Variants in RNF34 observed in about 807,000 individuals in gnomAD.
RNF34 encodes the protein ring finger protein 34.
In RNF34, 12 loss-of-function variants were observed where a neutral mutation model predicts 37.9. The observed-to-expected ratio is 0.32, with a 90% CI of 0.20 to 0.51. The LOEUF is 0.51. Ranked by LOEUF, RNF34 falls within the 20% of genes least tolerant of loss-of-function variation. The pLI is 0.97. For synonymous variants in RNF34, 155 were observed against 177.2 expected, an observed-to-expected ratio of 0.87 and a Z score of 1.00; for missense variants, 362 against 472.7, an observed-to-expected ratio of 0.77 and a Z score of 2.17.
chr12:121,421,466 T>C (rs1321649706), intron 5 of RNF34, among the ~76,000 whole-genome samples: 3 of 148,672 alleles, frequency 2.0e-5, no homozygotes, highest in East Asian at 2.0e-4. Flanking sequence ...GGGGGGAGGA[T>C]TGCTTGAGCC....
intron 3 of RNF34, among the ~76,000 whole-genome samples, chr12:121,419,206 A>T (rs548885650): frequency 6.6e-6 from 1 of 152,288 alleles, no homozygotes; most frequent in East Asian, 1.9e-4. Context: ...AATACTTATT[A>T]CTGTGTTATA....
chr12:121,413,020 A>AT (rs77507303), intron 1 of RNF34, among the ~76,000 whole-genome samples: 8 of 133,786 alleles, frequency 6.0e-5, no homozygotes, highest in South Asian at 4.7e-4. Context: ...TGCCCAGGCT[A>AT]TTTTTTTTTT....
Position 121,419,087 on chromosome 12 carries a change from A to G in RNF34, c.634-1155A>G, listed in dbSNP as rs926477830. Among the ~76,000 whole-genome samples, 5 of 150,128 alleles carry G rather than the reference A, an allele frequency of 3.3e-5. 1 individual carries two copies. The highest frequency in any genetic ancestry group is 3.3e-4 in the Admixed American group (5 of 15,202). On this transcript the variant is annotated intron_variant, in intron 3 of 5. Transcript: ENST00000361234. The stretch of plus-strand genomic sequence containing the variant: ...TTCTAGATATAGTCCTGTGTCCTCT[A>G]ATAATGTTTTGGTCAGTGATAGACC...
intron 1 of RNF34, among the ~76,000 whole-genome samples, chr12:121,403,115 G>C (rs1179500708): frequency 1.3e-5 from 2 of 152,170 alleles, no homozygotes; most frequent in Non-Finnish European, 2.9e-5. Flanking sequence ...AGGATAAAGA[G>C]GCCGGGCGCG....
At chr12:121,401,448 A>T (rs1022826356) in intron 1 of RNF34, among the ~76,000 whole-genome samples, 2 of 151,146 alleles carry the variant, frequency 1.3e-5, no homozygotes, top group Admixed American at 6.6e-5. Context: ...TGGAATAGGT[A>T]ACTTTGGAAC....
chr12:121,422,537 C>T (rs1263861545), intron 5 of RNF34, among the ~76,000 whole-genome samples: 3 of 152,190 alleles, frequency 2.0e-5, no homozygotes, highest in African/African-American at 7.2e-5. Context: ...GAACTAAGAC[C>T]CCAGATCACA....
intron 1 of RNF34, among the ~76,000 whole-genome samples, chr12:121,413,119 C>A (rs1433722408): frequency 5.5e-5 from 8 of 145,786 alleles, no homozygotes; most frequent in Non-Finnish European, 8.9e-5. Context: ...TCCGCCTCCC[C>A]GGTTCAAGCG....
chr12:121,419,409 C>T (rs1375308795), intron 3 of RNF34, among the ~76,000 whole-genome samples: 3 of 152,130 alleles, frequency 2.0e-5, no homozygotes, highest in Non-Finnish European at 2.9e-5. Context: ...ATACTGTAGT[C>T]GTAAATTAGA....
chr12:121,419,955 T>C, intron 3 of RNF34: 2 of 306,008 alleles, frequency 6.5e-6, no homozygotes, highest in South Asian at 7.4e-5. Context: ...CCTTAATGGC[T>C]TTGGCATTCC....
Position 121,416,243 on chromosome 12 carries a change from G to A in RNF34, c.91G>A (p.Ala31Thr). 6.2e-7 allele frequency: 1 copy of A among 1,614,116 alleles called. No individual in the cohort carries two copies. Among genetic ancestry groups the A allele is most frequent in the South Asian group, 1.1e-5 (1 of 91,088 alleles). Residue 31 changes from alanine to threonine, a missense_variant, in exon 2 of 6, where the codon GCA (alanine) becomes ACA (threonine). Ala to Thr is a moderately conservative substitution (Grantham distance 58). Transcript: ENST00000361234. ...TGGAGCTGTCAGGGGCCAGCAGTCA[G>A]CATTTGCAGGAGCCACCGGTCCATT... ...GTGAVRGQQS[A>T]FAGATGPFRF...
chr12:121,400,520 G>C (rs140745383), intron 1 of RNF34, among the ~76,000 whole-genome samples: 19 of 152,334 alleles, frequency 1.2e-4, no homozygotes, highest in African/African-American at 4.6e-4. Flanking sequence ...GCCTCCTCGG[G>C]GGCCTGAGGC....
At chr12:121,420,193 T>G in intron 3 of RNF34, 49 bp from the exon 4 acceptor site, 1 of 1,575,968 alleles carries the variant, frequency 6.3e-7, no homozygotes, top group Non-Finnish European at 8.7e-7. Context: ...TCTCTAGTGA[T>G]AAATACAGAT....
chr12:121,402,493 A>G (rs1555280137), intron 1 of RNF34, among the ~76,000 whole-genome samples: 2 of 151,868 alleles, frequency 1.3e-5, no homozygotes, highest in Non-Finnish European at 2.9e-5. Context: ...AATAGGTCTT[A>G]CCTCTCAGAC....
At chr12:121,406,826 T>A (rs1224875493) in intron 1 of RNF34, among the ~76,000 whole-genome samples, 3 of 152,206 alleles carry the variant, frequency 2.0e-5, no homozygotes, top group African/African-American at 7.2e-5. Flanking sequence ...GACAGTTGCC[T>A]CATTCTCTTA....
chr12:121,413,415 CTTT>C (rs573738844), intron 1 of RNF34, among the ~76,000 whole-genome samples: 1,766 of 130,696 alleles, frequency 0.014, 50 homozygotes, highest in African/African-American at 0.054. Flanking sequence ...TTTACCTGTC[CTTT>C]TTTTTTTTTT....
chr12:121,413,530 G>GGGATACT (rs1335377087), intron 1 of RNF34, among the ~76,000 whole-genome samples: 3 of 148,168 alleles, frequency 2.0e-5, no homozygotes, highest in South Asian at 2.1e-4. Flanking sequence ...TCCTGCCTCA[G>GGGATACT]CCTCCCGAGT....
intron 1 of RNF34, chr12:121,409,814 C>T (rs60270456): frequency 0.19 from 29,068 of 152,122 alleles, 4,284 homozygotes; most frequent in African/African-American, 0.41. Context: ...TGAAGGGCAG[C>T]GGGGGTGGGT....
chr12:121,416,265 C>T lies in RNF34; in HGVS notation c.113C>T (p.Pro38Leu). 6.2e-7 allele frequency: 1 copy of T among 1,614,062 alleles called. No homozygotes were observed. The highest frequency in any genetic ancestry group is 8.5e-7 in the Non-Finnish European group (1 of 1,179,982). Residue 38 changes from proline to leucine, a missense_variant, in exon 2 of 6, where the codon CCA becomes CTA. Coordinates refer to ENST00000361234, the MANE Select transcript of RNF34 (RefSeq NM_025126.4). Reference protein sequence around the residue: ...QQSAFAGATGPFRFTPNPEFS... With the variant: ...QQSAFAGATGLFRFTPNPEFS... ...TCAGCATTTGCAGGAGCCACCGGTC[C>T]ATTCAGATTTACACCAAACCCTGAG...
intron 1 of RNF34, among the ~76,000 whole-genome samples, chr12:121,413,289 A>G (rs1871264181): frequency 6.6e-6 from 1 of 152,180 alleles, no homozygotes; most frequent in Admixed American, 6.5e-5. Flanking sequence ...GGCCTCCCAA[A>G]GTGCTGGGAT....
Sources: gnomAD v4.1 joint callset for allele counts (sites outside exome capture counted in the v4.1 genomes callset) on GRCh38, gnomAD v4.1.1 for gene constraint, MANE v1.5 for transcripts, NCBI Gene and HGNC (gene_info 2026-07-23, HGNC 2026-07-21) for gene names.